Variants in DUSP4 observed in about 807,000 individuals in gnomAD.
The protein encoded by DUSP4 is dual specificity phosphatase 4.
Under a neutral mutation model 27.2 loss-of-function variants are expected in DUSP4, and 12 were observed. That is an observed-to-expected ratio of 0.44 (90% confidence interval 0.28 to 0.71). The LOEUF (loss-of-function observed/expected upper bound fraction) is 0.71. Ranked by LOEUF, DUSP4 falls within the 30% of genes least tolerant of loss-of-function variation. The pLI is 0.14. For missense variants in DUSP4, 448 were observed against 551.3 expected, an observed-to-expected ratio of 0.81 and a Z score of 1.88; for synonymous variants, 257 against 245.2, an observed-to-expected ratio of 1.05 and a Z score of -0.45.
At chr8:29,338,246 C>T in intron 3 of DUSP4, 36 bp downstream of exon 3, 3 of 1,608,254 alleles carry the variant, frequency 1.9e-6, no homozygotes, top group Non-Finnish European at 2.6e-6. Flanking sequence ...CCCACCCGCC[C>T]TCAAACCCAG....
chr8:29,347,813 C>G, intron 1 of DUSP4: 1 of 985,604 alleles, frequency 1.0e-6, no homozygotes, highest in Non-Finnish European at 1.2e-6. Flanking sequence ...ACTACCCAGT[C>G]ACTAGCCTCG....
intron 1 of DUSP4, chr8:29,348,868 A>C (rs1273692228): frequency 2.2e-6 from 2 of 893,052 alleles, no homozygotes; most frequent in East Asian, 2.4e-4. Context: ...CGGCGGCGGG[A>C]GGCGGAGGCG....
At position 29,336,923 on chromosome 8, in the gene DUSP4, C is replaced by T. The variant is rs981598431; in HGVS notation, c.*103G>A. On this transcript the variant is annotated 3_prime_UTR_variant, in exon 4 of 4. Transcript: ENST00000240100. ...AAGGAGAAATGATGGGGAAGGAGCTCGGTCGCCTGCTCCCAGCTGCTCAGT... is the reference window on the plus strand; with the variant it reads ...AAGGAGAAATGATGGGGAAGGAGCTTGGTCGCCTGCTCCCAGCTGCTCAGT... 9 of 1,422,696 alleles carry T rather than the reference C, an allele frequency of 6.3e-6. No homozygotes were observed. Among genetic ancestry groups the T allele is most frequent in the South Asian group, 3.0e-5 (2 of 66,778 alleles). The allele number at this position is 1,422,696 out of a possible 1,614,324, so 88.1% of individuals were successfully genotyped here.
Position 29,333,352 on chromosome 8 carries a change from G to A in DUSP4, c.*3674C>T, listed in dbSNP as rs1817524174. On this transcript the variant is annotated 3_prime_UTR_variant, in exon 4 of 4. Transcript: ENST00000240100. ...CTGGTGGGGAAGCGGGGTTCAAAGA[G>A]GAGACATCCTCCATCTTTATTGATG... 6.6e-6 allele frequency: 1 copy of A among 152,246 alleles called. No homozygotes were observed. Among genetic ancestry groups the A allele is most frequent in the African/African-American group, 2.4e-5 (1 of 41,442 alleles). 9.4% of individuals were successfully genotyped at this position (152,246 alleles called of 1,614,324 possible). A position where few individuals can be genotyped will look rare whatever the true frequency, so the allele number is the denominator to read the frequency against.
In DUSP4 at chr8:29,338,507, C is replaced by T. The variant is rs1275917534; in HGVS notation, c.580-6G>A. 2 of 1,611,728 alleles carry T rather than the reference C, an allele frequency of 1.2e-6. No individual in the cohort carries two copies. Among genetic ancestry groups the T allele is most frequent in the Non-Finnish European group, 1.7e-6 (2 of 1,179,444 alleles). ...AGGATCTCCACAGGACCCCCCTGCA[C>T]AGAAAGGGAAACAAAGGCCCCTGAA... On this transcript the variant is annotated splice_region_variant and splice_polypyrimidine_tract_variant and intron_variant, in intron 2 of 3. Transcript: ENST00000240100.
chr8:29,341,887 T>C (rs1402056892), intron 1 of DUSP4, among the ~76,000 whole-genome samples: 1 of 152,254 alleles, frequency 6.6e-6, no homozygotes, highest in Non-Finnish European at 1.5e-5. Context: ...TAACAGTGGT[T>C]GATCACTTGT....
intron 1 of DUSP4, chr8:29,346,115 A>G: frequency 1.0e-6 from 1 of 979,478 alleles, no homozygotes; most frequent in Non-Finnish European, 1.2e-6. Flanking sequence ...CAGAGTTTCC[A>G]GAGCTGTTAA....
intron 1 of DUSP4, chr8:29,348,719 G>A (rs1022653373): frequency 3.0e-6 from 3 of 985,568 alleles, no homozygotes; most frequent in Non-Finnish European, 3.6e-6. Flanking sequence ...GAAGAGGAGC[G>A]GAAAGGAAAG....
At chr8:29,341,655 G>A (rs1234925506) in intron 1 of DUSP4, among the ~76,000 whole-genome samples, 1 of 152,166 alleles carries the variant, frequency 6.6e-6, no homozygotes, top group Non-Finnish European at 1.5e-5. Context: ...GGTCATGCTG[G>A]TGGCCTCGGC....
In DUSP4 at chr8:29,343,577, G is replaced by C. The variant is rs547044155; in HGVS notation, c.434-3334C>G. Among the ~76,000 whole-genome samples, 14 of 152,282 alleles carry C rather than the reference G, an allele frequency of 9.2e-5. 1 individual carries two copies. In the South Asian group the frequency reaches 2.3e-3, roughly 25 times the overall value. ...CTTCTCCAGGGGGCACTGCCTGCAG[G>C]TTTCATCAAGTGAAGACAGACTTTT... On this transcript the variant is annotated intron_variant, in intron 1 of 3. Coordinates refer to ENST00000240100, the MANE Select transcript of DUSP4 (RefSeq NM_001394.7).
At chr8:29,348,681 G>A (rs1817774519) in intron 1 of DUSP4, 2 of 985,290 alleles carry the variant, frequency 2.0e-6, no homozygotes, top group Non-Finnish European at 2.4e-6. Flanking sequence ...CCCCTTTCCA[G>A]CTCCCTTCCT....
rs1236527720 is a variant in DUSP4, at chr8:29,337,220, C to T, written c.991G>A (p.Glu331Lys). Residue 331 changes from glutamate (E) to lysine (K), a missense_variant, in exon 4 of 4, where the codon GAG becomes AAG. This residue lies in a region of DUSP4 where 100 missense variants were observed against 139.8 expected (regional missense o/e 0.72). Coordinates refer to ENST00000240100, the MANE Select transcript of DUSP4 (RefSeq NM_001394.7). The surrounding 1 kb of genome is among the most constrained non-coding windows in gnomAD (Gnocchi z 6.4). ...FSFMGQLLQFESQVLATSCAA... is the reference protein window; with the variant it reads ...FSFMGQLLQFKSQVLATSCAA... ...CAGGACGTGGCCAGCACCTGGGACTCGAACTGCAGCAGCTGCCCCATGAAG... is the reference window on the plus strand; with the variant it reads ...CAGGACGTGGCCAGCACCTGGGACTTGAACTGCAGCAGCTGCCCCATGAAG... 2 of 1,613,648 alleles carry T rather than the reference C, an allele frequency of 1.2e-6. No individual in the cohort carries two copies. Among genetic ancestry groups the T allele is most frequent in the Non-Finnish European group, 8.5e-7 (1 of 1,179,928 alleles).
At chr8:29,345,400 T>C in intron 1 of DUSP4, 1 of 1,613,720 alleles carries the variant, frequency 6.2e-7, no homozygotes, top group Non-Finnish European at 8.5e-7. Flanking sequence ...CACCTGGACC[T>C]TCCTGCCAGC....
intron 1 of DUSP4, chr8:29,345,425 C>G: frequency 6.2e-7 from 1 of 1,614,116 alleles, no homozygotes; most frequent in Non-Finnish European, 8.5e-7. Context: ...TGACACCTAA[C>G]GCCATGCTGG....
chr8:29,350,082 T>C lies in DUSP4; in HGVS notation c.197A>G (p.Asn66Ser), dbSNP rs1279317398. The C allele has an allele frequency of 1.2e-6, 2 of 1,607,060 alleles. No individual in the cohort carries two copies. The highest frequency in any genetic ancestry group is 1.7e-6 in the Non-Finnish European group (2 of 1,178,134). ...HSAGYILGSV[N>S]VRCNTIVRRR... ...CCGCACGATGGTGTTACAGCGCACG[T>C]TGACCGAACCTAGGATGTAGCCCGC... The change falls in exon 1 of 4, where the codon AAC becomes AGC. Residue 66 changes from asparagine to serine, a missense_variant. Asn to Ser is a conservative substitution (Grantham distance 46, BLOSUM62 1). Coordinates refer to ENST00000240100, the MANE Select transcript of DUSP4 (RefSeq NM_001394.7).
In DUSP4 at chr8:29,337,154, G is replaced by C; in HGVS notation, c.1057C>G (p.Arg353Gly). 1 of 1,611,010 alleles carries C rather than the reference G, an allele frequency of 6.2e-7. No homozygotes were observed. The highest frequency in any genetic ancestry group is 1.3e-5 in the African/African-American group (1 of 75,002). Reference sequence around the variant, plus strand: ...GTGGGGGTGGCGGGGGTCTTGCCCCGCTCCCGCAGGGGTCCCGAGGGGCTA... The same window carrying C: ...GTGGGGGTGGCGGGGGTCTTGCCCCCCTCCCGCAGGGGTCCCGAGGGGCTA... Reference protein sequence around the residue: ...AASPSGPLRERGKTPATPTSQ... With the variant: ...AASPSGPLREGGKTPATPTSQ... Residue 353 changes from arginine to glycine, a missense_variant, in exon 4 of 4, where the codon CGG (arginine) becomes GGG (glycine). Coordinates refer to ENST00000240100, the MANE Select transcript of DUSP4 (RefSeq NM_001394.7). This position sits in a 1 kb window ranked among gnomAD's most constrained non-coding sequence, Gnocchi z 6.4.
chr8:29,341,129 C>A (rs2117269742), intron 1 of DUSP4, among the ~76,000 whole-genome samples: 1 of 152,282 alleles, frequency 6.6e-6, no homozygotes, highest in East Asian at 1.9e-4. Flanking sequence ...ATCCACAGTG[C>A]TATCAATGTA....
chr8:29,345,707 G>C, intron 1 of DUSP4: 2 of 1,395,090 alleles, frequency 1.4e-6, no homozygotes, highest in South Asian at 3.5e-5. Flanking sequence ...TCTCCTATAA[G>C]CACCCAGGAT....
intron 1 of DUSP4, among the ~76,000 whole-genome samples, chr8:29,342,562 G>A (rs1817670321): frequency 6.6e-6 from 1 of 152,106 alleles, no homozygotes; most frequent in African/African-American, 2.4e-5. Flanking sequence ...CTGCTCTCCT[G>A]GAAACCTGTC....
Sources: gnomAD v4.1 joint callset for allele counts (sites outside exome capture counted in the v4.1 genomes callset) on GRCh38, gnomAD v4.1.1 for gene constraint, gnomAD v4.1.1 regional missense constraint, Gnocchi (gnomAD v3.1) non-coding constraint, MANE v1.5 for transcripts, NCBI Gene and HGNC (gene_info 2026-07-23, HGNC 2026-07-21) for gene names.